Variants in CLN6 observed in about 807,000 individuals in gnomAD.
The protein encoded by CLN6 is CLN6 transmembrane ER protein.
CLN6 carries 22 observed loss-of-function variants against 33.3 expected under a neutral mutation model. That is an observed-to-expected ratio of 0.66 (90% confidence interval 0.47 to 0.94). The LOEUF (loss-of-function observed/expected upper bound fraction) is 0.94. Ranked by LOEUF, CLN6 falls within the 40% of genes least tolerant of loss-of-function variation. CLN6 has a pLI of 0.00. For missense variants in CLN6, 387 were observed against 417.1 expected, an observed-to-expected ratio of 0.93 and a Z score of 0.63; for synonymous variants, 201 against 174.6, an observed-to-expected ratio of 1.15 and a Z score of -1.19.
intron 1 of CLN6, among the ~76,000 whole-genome samples, chr15:68,240,782 G>A (rs7170983): frequency 0.072 from 10,955 of 151,604 alleles, 1,110 homozygotes; most frequent in African/African-American, 0.23. Context: ...TTGGGAGTTC[G>A]AGACCACCCT....
intron 2 of CLN6, among the ~76,000 whole-genome samples, chr15:68,215,918 G>GAGTCTA (rs1454566289): frequency 6.6e-6 from 1 of 152,210 alleles, no homozygotes; most frequent in African/African-American, 2.4e-5. Context: ...GGGGTAGGGA[G>GAGTCTA]AGTCTAACAC....
chr15:68,215,497 TTTTTTTC>T (rs1051884017), intron 2 of CLN6: 5 of 152,126 alleles, frequency 3.3e-5, no homozygotes, highest in African/African-American at 9.7e-5. Context: ...GAGCTATATT[TTTTTTTC>T]TTTTTTCTTT....
chr15:68,229,676 G>GCGGGGCGGTT lies in CLN6; in HGVS notation c.-102_-93dup, dbSNP rs1481647841. The GCGGGGCGGTT allele has an allele frequency of 1.2e-4, 135 of 1,120,798 alleles. No homozygotes were observed. Among genetic ancestry groups the GCGGGGCGGTT allele is most frequent in the Non-Finnish European group, 1.3e-4 (113 of 850,596 alleles). The allele number at this position is 1,120,798 out of a possible 1,614,324, so 69.4% of individuals were successfully genotyped here. A position where few individuals can be genotyped will look rare whatever the true frequency, so the allele number is the denominator to read the frequency against. On this transcript the variant is annotated 5_prime_UTR_variant, in exon 1 of 7. Coordinates refer to ENST00000249806, the MANE Select transcript of CLN6 (RefSeq NM_017882.3). ...GCGGAGGCCGCCGCAAATTCCCAGC[G>GCGGGGCGGTT]CGGGGCGGTTCGGGGCGGGCCGGCG...
chr15:68,228,177 G>A lies in CLN6; in HGVS notation c.83+1325C>T, dbSNP rs114174105. Among the ~76,000 whole-genome samples, 383 of 152,264 alleles carry A rather than the reference G, an allele frequency of 2.5e-3. 2 individuals are homozygous for A. The highest frequency in any genetic ancestry group is 8.7e-3 in the African/African-American group (363 of 41,534). On this transcript the variant is annotated intron_variant, in intron 1 of 6. Transcript: ENST00000249806. This position sits in a 1 kb window ranked among gnomAD's most constrained non-coding sequence, Gnocchi z 4.4. ...CAGTACATTGTTTCTAAGTGAAAAC[G>A]GACACAGTCCGCAGCTGCTCAGCCC...
Position 68,211,185 on chromosome 15 carries a change from T to C in CLN6, c.542+78A>G, listed in dbSNP as rs527263157. ...AGACCCGCAGCCCAGACAGCCTTGC[T>C]CAGTGTGTCCCTGAGCCAGTGACAG... On this transcript the variant is annotated intron_variant, in intron 5 of 6. Coordinates refer to ENST00000249806, the MANE Select transcript of CLN6 (RefSeq NM_017882.3). This position sits in a 1 kb window ranked among gnomAD's most constrained non-coding sequence, Gnocchi z 5.9. 5.2e-4 allele frequency: 647 copies of C among 1,241,448 alleles called. 1 individual carries two copies. Among genetic ancestry groups the C allele is most frequent in the Non-Finnish European group, 7.0e-4 (591 of 840,030 alleles). 76.9% of individuals were successfully genotyped at this position (1,241,448 alleles called of 1,614,324 possible). A position where few individuals can be genotyped will look rare whatever the true frequency, so the allele number is the denominator to read the frequency against.
chr15:68,209,616 C>A lies in CLN6; in HGVS notation c.665+21G>T. On this transcript the variant is annotated intron_variant, in intron 6 of 6. Coordinates refer to ENST00000249806, the MANE Select transcript of CLN6 (RefSeq NM_017882.3). This position sits in a 1 kb window ranked among gnomAD's most constrained non-coding sequence, Gnocchi z 4.9. ...CTCTCTCAGTGCCCCTGCCTCTGCC[C>A]CCATGCTGATGTCCACTCACCAGTA... is the stretch of plus-strand genomic sequence containing the variant. The A allele has an allele frequency of 6.2e-7, 1 of 1,611,472 alleles. No homozygotes were observed. The highest frequency in any genetic ancestry group is 2.2e-5 in the East Asian group (1 of 44,866).
At chr15:68,244,805 G>T (rs576423154) in intron 1 of CLN6, among the ~76,000 whole-genome samples, 2 of 152,240 alleles carry the variant, frequency 1.3e-5, no homozygotes, top group Non-Finnish European at 2.9e-5. Context: ...GTTCATGCCA[G>T]CACTTTCGGA....
In CLN6 at chr15:68,208,094, G is replaced by GGGGCCCCC; in HGVS notation, c.*45_*46insGGGGGCCC. 7.3e-7 allele frequency: 1 copy of GGGGCCCCC among 1,375,274 alleles called. No homozygotes were observed. Among genetic ancestry groups the GGGGCCCCC allele is most frequent in the Non-Finnish European group, 1.0e-6 (1 of 992,020 alleles). 85.2% of individuals were successfully genotyped at this position (1,375,274 alleles called of 1,614,324 possible). ...CTCCTGTATTCAGATGCCCTCCATG[G>GGGGCCCCC]CCCACCCTCCCACCCAGCAGAGCGC... On this transcript the variant is annotated 3_prime_UTR_variant, in exon 7 of 7. Transcript: ENST00000249806. The surrounding 1 kb of genome is among the most constrained non-coding windows in gnomAD (Gnocchi z 5.8).
chr15:68,255,307 A>AC (rs34086056), intron 1 of CLN6, among the ~76,000 whole-genome samples: 3,479 of 151,858 alleles, frequency 0.023, 136 homozygotes, highest in African/African-American at 0.078. Context: ...GTTGGACCTG[A>AC]CCCCCCCCAA....
chr15:68,237,932 G>A (rs925700406), intron 1 of CLN6, among the ~76,000 whole-genome samples: 1 of 152,068 alleles, frequency 6.6e-6, no homozygotes, highest in Admixed American at 6.6e-5. Context: ...AGACCAGCCT[G>A]GCCAATATGG....
chr15:68,209,173 C>G lies in CLN6; in HGVS notation c.665+464G>C, dbSNP rs1200595781. On this transcript the variant is annotated intron_variant, in intron 6 of 6. Coordinates refer to ENST00000249806, the MANE Select transcript of CLN6 (RefSeq NM_017882.3). This position sits in a 1 kb window ranked among gnomAD's most constrained non-coding sequence, Gnocchi z 4.9. The stretch of plus-strand genomic sequence containing the variant: ...CCCCTACGCCATGAAACCCCCCAGT[C>G]TGGCCTCGCCATAGTGCTTTACATT... Among the ~76,000 whole-genome samples, 1 of 152,200 alleles carries G rather than the reference C, an allele frequency of 6.6e-6. No individual in the cohort carries two copies. The highest frequency in any genetic ancestry group is 1.9e-4 in the East Asian group (1 of 5,192).
At chr15:68,250,253 T>G (rs1193210991) in intron 1 of CLN6, among the ~76,000 whole-genome samples, 1 of 151,508 alleles carries the variant, frequency 6.6e-6, no homozygotes, top group East Asian at 1.9e-4. Context: ...AATAAAAAAA[T>G]TAAATTCCTA....
At position 68,211,219 on chromosome 15, in the gene CLN6, G is replaced by C. The variant is rs199898033; in HGVS notation, c.542+44C>G. 6.4e-7 allele frequency: 1 copy of C among 1,565,358 alleles called. No homozygotes were observed. The highest frequency in any genetic ancestry group is 1.4e-5 in the African/African-American group (1 of 73,950). On this transcript the variant is annotated intron_variant, in intron 5 of 6. Coordinates refer to ENST00000249806, the MANE Select transcript of CLN6 (RefSeq NM_017882.3). The surrounding 1 kb of genome is among the most constrained non-coding windows in gnomAD (Gnocchi z 5.9). ...CCCTGAGCCAGTGACAGGGCTAGCC[G>C]GTAGTTGGGGCCCCTGGGATAGACA...
intron 1 of CLN6, among the ~76,000 whole-genome samples, chr15:68,224,704 A>G (rs886936636): frequency 1.3e-5 from 2 of 151,712 alleles, no homozygotes; most frequent in African/African-American, 4.8e-5. Flanking sequence ...AGATCATGGA[A>G]TGGTAAAGGC....
chr15:68,248,635 A>G (rs913117102), intron 1 of CLN6, among the ~76,000 whole-genome samples: 2 of 149,580 alleles, frequency 1.3e-5, no homozygotes, highest in African/African-American at 4.9e-5. Context: ...CCTGGGCTAC[A>G]GAGTGAGACT....
rs2093202177 is a variant in CLN6, at chr15:68,210,598, T to C, written c.542+665A>G. 6.6e-6 allele frequency among the ~76,000 whole-genome samples: 1 copy of C among 152,140 alleles called. No individual in the cohort carries two copies. The highest frequency in any genetic ancestry group is 2.4e-5 in the African/African-American group (1 of 41,434). On this transcript the variant is annotated intron_variant, in intron 5 of 6. Coordinates refer to ENST00000249806, the MANE Select transcript of CLN6 (RefSeq NM_017882.3). The surrounding 1 kb of genome is among the most constrained non-coding windows in gnomAD (Gnocchi z 5.6). ...CCAGCTGCAGCCTTCGGAGCCCTCC[T>C]CCCTCTGGCCTCAGTTTCTCCTGGG...
chr15:68,215,427 C>T (rs559764408), intron 2 of CLN6: 2 of 152,284 alleles, frequency 1.3e-5, no homozygotes, highest in South Asian at 4.1e-4. Flanking sequence ...TACTTCTTAC[C>T]ATGGAAGGTT....
In CLN6 at chr15:68,245,881, A is replaced by G. The variant is rs186274097; in HGVS notation, c.179+10809T>C. 7.6e-4 allele frequency among the ~76,000 whole-genome samples: 116 copies of G among 152,308 alleles called. 1 individual carries two copies. The highest frequency in any genetic ancestry group is 1.2e-3 in the Non-Finnish European group (82 of 68,024). ...GTGAAGAGATGGAAAAAGACATTCC[A>G]TGCAAGTGGAAACCAAAAAAGAACA... On this transcript the variant is annotated intron_variant, in intron 1 of 6. Transcript: ENST00000538696.
rs2093233569 is a variant in CLN6 at position 68,220,768 on chromosome 15, C to T, written c.84-2118G>A. 6.6e-6 allele frequency among the ~76,000 whole-genome samples: 1 copy of T among 152,238 alleles called. No individual in the cohort carries two copies. The highest frequency in any genetic ancestry group is 6.5e-5 in the Admixed American group (1 of 15,290). ...CTTGCAACCCAGTCGTCCTGAATAACACACACAATTCAAACCTGGGTTTAT... is the reference window on the plus strand; with the variant it reads ...CTTGCAACCCAGTCGTCCTGAATAATACACACAATTCAAACCTGGGTTTAT... On this transcript the variant is annotated intron_variant, in intron 1 of 6. Transcript: ENST00000249806. The surrounding 1 kb of genome is among the most constrained non-coding windows in gnomAD (Gnocchi z 4.2).
Sources: gnomAD v4.1 joint callset for allele counts (sites outside exome capture counted in the v4.1 genomes callset) on GRCh38, gnomAD v4.1.1 for gene constraint, Gnocchi (gnomAD v3.1) non-coding constraint, MANE v1.5 for transcripts, NCBI Gene and HGNC (gene_info 2026-07-23, HGNC 2026-07-21) for gene names.